The following ACSL3 variants were observed in gnomAD, a reference collection of about 807,000 sequenced individuals.
ACSL3 encodes fatty acid CoA ligase Acsl3.
Under a neutral mutation model 84.7 loss-of-function variants are expected in ACSL3, and 34 were observed. That is an observed-to-expected ratio of 0.40 (90% CI 0.31 to 0.53). The LOEUF (loss-of-function observed/expected upper bound fraction) is 0.53. ACSL3 is among the 20% of genes least tolerant of loss of function. ACSL3 has a pLI of 0.48. For synonymous variants in ACSL3, 315 were observed against 299.4 expected (o/e 1.05, Z -0.54); for missense variants, 680 against 873.1 (o/e 0.78, Z 2.79).
At chr2:222,923,720 T>C (rs1574559286) in intron 10 of ACSL3, among the ~76,000 whole-genome samples, 1 of 152,236 alleles carries the variant, frequency 6.6e-6, no homozygotes, top group Non-Finnish European at 1.5e-5. Flanking sequence ...ATGGGAATTA[T>C]TGTCGGGTAC....
At chr2:222,926,991 T>C (rs1489848297) in intron 11 of ACSL3, 26 bp from the exon 12 acceptor site, 1 of 1,605,668 alleles carries the variant, frequency 6.2e-7, no homozygotes, top group Non-Finnish European at 8.5e-7. Flanking sequence ...TTTAAAATCC[T>C]GTGGTTCTCT....
chr2:222,866,313 T>A (rs1695137799), intron 1 of ACSL3, among the ~76,000 whole-genome samples: 1 of 151,758 alleles, frequency 6.6e-6, no homozygotes, highest in Admixed American at 6.5e-5. Flanking sequence ...GCCCGGCTAA[T>A]TTTTTGTATT....
Position 222,912,812 on chromosome 2 carries a change from A to G in ACSL3, c.379-3507A>G, listed in dbSNP as rs542188422. Among the ~76,000 whole-genome samples, 10 of 152,286 alleles carry G rather than the reference A, an allele frequency of 6.6e-5. No homozygotes were observed. The South Asian group carries it at 2.1e-3, about 32-fold the overall frequency. On this transcript the variant is annotated intron_variant, in intron 4 of 16. Coordinates refer to ENST00000357430, the MANE Select transcript of ACSL3 (RefSeq NM_004457.5). ...TCTTCCTTGGGGGACAGAAAAACAA[A>G]AGGCACTTGGTTGCTTGGCAGGCCT...
intron 16 of ACSL3, among the ~76,000 whole-genome samples, chr2:222,935,650 C>G (rs1388980629): frequency 6.6e-6 from 1 of 152,146 alleles, no homozygotes; most frequent in Non-Finnish European, 1.5e-5. Context: ...TATTTTTAAT[C>G]TTTGAAGACT....
intron 1 of ACSL3, among the ~76,000 whole-genome samples, chr2:222,881,671 C>T (rs1695595046): frequency 6.6e-6 from 1 of 152,180 alleles, no homozygotes; most frequent in Non-Finnish European, 1.5e-5. Context: ...CATGCGCCAC[C>T]ACCCCTAGCT....
intron 11 of ACSL3, among the ~76,000 whole-genome samples, chr2:222,925,990 G>C (rs1230237902): frequency 6.6e-6 from 1 of 152,124 alleles, no homozygotes; most frequent in Non-Finnish European, 1.5e-5. Context: ...TTAGAACTTT[G>C]TAAGTTTTTT....
intron 5 of ACSL3, 54 bp from the exon 6 acceptor site, chr2:222,917,992 T>C (rs1696630215): frequency 1.6e-6 from 2 of 1,284,154 alleles, no homozygotes; most frequent in African/African-American, 2.9e-5. Flanking sequence ...TCAGAGACTT[T>C]ACATTTGTAG....
Position 222,918,125 on chromosome 2 carries a change from T to C in ACSL3, c.636T>C (p.Thr212=), listed in dbSNP as rs973668415. The C allele has an allele frequency of 6.2e-7, 1 of 1,611,842 alleles. No individual in the cohort carries two copies. The highest frequency in any genetic ancestry group is 1.3e-5 in the African/African-American group (1 of 74,874). ...LNETEVTNII[T]SKELLQTKLK... ...AAACAGAGGTGACCAACATCATTAC[T>C]AGTAAAGAACTCTTACAAACAAAGT... Residue 212 remains threonine (T), a synonymous_variant, in exon 6 of 17, where the codon ACT becomes ACC. Coordinates refer to ENST00000357430, the MANE Select transcript of ACSL3 (RefSeq NM_004457.5).
At chr2:222,885,493 TTC>T (rs1342206080) in intron 1 of ACSL3, among the ~76,000 whole-genome samples, 1 of 152,212 alleles carries the variant, frequency 6.6e-6, no homozygotes, top group Non-Finnish European at 1.5e-5. Flanking sequence ...ATGTGGAATT[TTC>T]TGTTAATATA....
At chr2:222,922,868 T>A (rs1216910219) in intron 9 of ACSL3, 37 bp downstream of exon 9, 2 of 1,611,832 alleles carry the variant, frequency 1.2e-6, no homozygotes, top group East Asian at 4.5e-5. Flanking sequence ...TACTAAAAAA[T>A]CATAGTGAAT....
intron 1 of ACSL3, among the ~76,000 whole-genome samples, chr2:222,862,342 C>T (rs1574508484): frequency 6.6e-6 from 1 of 152,264 alleles, no homozygotes; most frequent in East Asian, 1.9e-4. Flanking sequence ...TGTGTAAATC[C>T]AGAGCTCTGA....
intron 8 of ACSL3, among the ~76,000 whole-genome samples, chr2:222,922,332 TTTC>T (rs1696762053): frequency 6.6e-6 from 1 of 152,198 alleles, no homozygotes; most frequent in African/African-American, 2.4e-5. Flanking sequence ...CCTTGGATGA[TTTC>T]TTCTGTTCTT....
intron 16 of ACSL3, 131 bp downstream of exon 16, chr2:222,934,818 G>A: frequency 1.1e-6 from 1 of 938,492 alleles, no homozygotes; most frequent in South Asian, 2.0e-5. Flanking sequence ...GTATATGGAA[G>A]AGTAAACTTA....
At position 222,921,110 on chromosome 2, in the gene ACSL3, C is replaced by T. The variant is rs558075124; in HGVS notation, c.806-170C>T. 1.7e-4 allele frequency: 127 copies of T among 752,086 alleles called. 1 individual carries two copies. In the Middle Eastern group the frequency reaches 3.0e-3, roughly 18 times the overall value. The allele number at this position is 752,086 out of a possible 1,614,324, so 46.6% of individuals were successfully genotyped here. ...ATCTCAATAGAATATATCTCCCATA[C>T]GTGCAGGGACTTGATCTGTTTTGTT... On this transcript the variant is annotated intron_variant, in intron 7 of 16. Transcript: ENST00000357430.
chr2:222,934,500 TC>T, intron 15 of ACSL3, 29 bp from the exon 16 acceptor site: 1 of 1,487,538 alleles, frequency 6.7e-7, no homozygotes. Context: ...ACCATTTTGT[TC>T]CTTATCTGTT....
rs142186038 is a variant in ACSL3 at position 222,908,872 on chromosome 2, A to G, written c.100A>G (p.Thr34Ala). The change falls in exon 4 of 17, where the codon ACT becomes GCT. Residue 34 changes from threonine to alanine, a missense_variant. Coordinates refer to ENST00000357430, the MANE Select transcript of ACSL3 (RefSeq NM_004457.5). ...TATACATTTTCTAATATCACTTTAT[A>G]CTATTTTAACATACATTCCGTTTTA... Reference protein sequence around the residue: ...YFIHFLISLYTILTYIPFYFF... With the variant: ...YFIHFLISLYAILTYIPFYFF... 239 of 1,608,186 alleles carry G rather than the reference A, an allele frequency of 1.5e-4. No homozygotes were observed. Among genetic ancestry groups the G allele is most frequent in the Admixed American group, 1.8e-4 (11 of 59,606 alleles).
At position 222,910,092 on chromosome 2, in the gene ACSL3, TAATGTA is replaced by T. The variant is rs1190716884; in HGVS notation, c.378+947_378+952del. On this transcript the variant is annotated intron_variant, in intron 4 of 16. Coordinates refer to ENST00000357430, the MANE Select transcript of ACSL3 (RefSeq NM_004457.5). ...TGTGCTTAGAACAATTTGTGGCACT[TAATGTA>T]AATGCTCTAGCTTTTATTATTAGAT... Among the ~76,000 whole-genome samples the T allele has an allele frequency of 2.0e-5, 3 of 152,354 alleles. No homozygotes were observed. In the East Asian group the frequency reaches 5.8e-4, roughly 29 times the overall value.
chr2:222,933,879 G>T (rs1163317816), intron 15 of ACSL3, among the ~76,000 whole-genome samples: 2 of 152,226 alleles, frequency 1.3e-5, no homozygotes, highest in Non-Finnish European at 2.9e-5. Context: ...TACAGCCCAA[G>T]TTAGAAATGA....
At chr2:222,885,585 T>C (rs1695699670) in intron 1 of ACSL3, among the ~76,000 whole-genome samples, 1 of 152,162 alleles carries the variant, frequency 6.6e-6, no homozygotes, top group Non-Finnish European at 1.5e-5. Context: ...ATAGCACTGT[T>C]CTCTTTTACA....
Sources: gnomAD v4.1 joint callset for allele counts (sites outside exome capture counted in the v4.1 genomes callset) on GRCh38, gnomAD v4.1.1 for gene constraint, MANE v1.5 for transcripts, NCBI Gene and HGNC (gene_info 2026-07-23, HGNC 2026-07-21) for gene names.